The following MVB12A variants were observed in gnomAD, a reference collection of about 807,000 sequenced individuals.
The protein encoded by MVB12A is CIN85/CD2AP family binding protein.
MVB12A carries 30 observed loss-of-function variants against 34.3 expected under a neutral mutation model. That is an observed-to-expected ratio of 0.88 (90% CI 0.65 to 1.19). The LOEUF (loss-of-function observed/expected upper bound fraction) is 1.19, where lower values mean the gene tolerates loss of function less well. MVB12A is among the 50% of genes most tolerant of loss of function. MVB12A has a pLI of 0.00. For missense variants in MVB12A, 355 were observed against 369.2 expected (o/e 0.96, Z 0.31); for synonymous variants, 158 against 158.9 (o/e 0.99, Z 0.04).
chr19:17,412,856 CTT>C (rs1423366901), intron 2 of MVB12A, among the ~76,000 whole-genome samples: 6 of 152,122 alleles, frequency 3.9e-5, no homozygotes. Context: ...GTCATCCTGT[CTT>C]TGTTTTGCAC....
chr19:17,417,643 TAAAA>T (rs969826296), upstream of MVB12A: 3 of 151,176 alleles, frequency 2.0e-5, no homozygotes, highest in African/African-American at 7.3e-5. Flanking sequence ...TTTTAAAAAA[TAAAA>T]TAAATAAATT....
At chr19:17,405,932 ACCTGAAGAGG>A in intron 1 of MVB12A, 1 of 179,654 alleles carries the variant, frequency 5.6e-6, no homozygotes, top group Non-Finnish European at 1.2e-5. Context: ...CTGTACTATG[ACCTGAAGAGG>A]CAGAGGCCAT....
chr19:17,405,882 T>C (rs2074724535), intron 1 of MVB12A: 1 of 290,480 alleles, frequency 3.4e-6, no homozygotes, highest in Admixed American at 4.9e-5. Context: ...GCCTCTGCTG[T>C]GTGTTACTGA....
At chr19:17,410,291 C>T (rs1261618196) in intron 2 of MVB12A, among the ~76,000 whole-genome samples, 2 of 150,894 alleles carry the variant, frequency 1.3e-5, no homozygotes, top group African/African-American at 4.9e-5. Context: ...TCACCTCAGC[C>T]TCTGGCGTAG....
chr19:17,418,234 A>G, upstream of MVB12A: 1 of 177,838 alleles, frequency 5.6e-6, no homozygotes, highest in South Asian at 1.3e-4. Flanking sequence ...ATCTGCACAA[A>G]AAAACTATAA....
At chr19:17,420,746 G>A (rs2074833796) in intron 3 of MVB12A, 112 bp downstream of exon 3, 7 of 718,970 alleles carry the variant, frequency 9.7e-6, no homozygotes, top group Non-Finnish European at 1.7e-5. Flanking sequence ...TGGCACACGG[G>A]GTGATGACAG....
chr19:17,420,352 A>C lies in MVB12A; in HGVS notation c.130A>C (p.Lys44Gln), dbSNP rs778649038. 1 of 1,613,284 alleles carries C rather than the reference A, an allele frequency of 6.2e-7. No homozygotes were observed. Among genetic ancestry groups the C allele is most frequent in the Non-Finnish European group, 8.5e-7 (1 of 1,179,686 alleles). ...TVEGAPASFG[K>Q]SFAQKSGYFL... The stretch of plus-strand genomic sequence containing the variant: ...CGAGGGGGCACCCGCCAGCTTTGGC[A>C]AGAGCTTCGCGCAGAAATCTGGCTA... Residue 44 changes from lysine (K) to glutamine (Q), a missense_variant, in exon 2 of 9, where the codon AAG becomes CAG. Physicochemically the swap from Lys to Gln is moderately conservative, Grantham distance 53. Coordinates refer to ENST00000317040, the MANE Select transcript of MVB12A (RefSeq NM_138401.4).
At position 17,411,744 on chromosome 19, in the gene MVB12A, C is replaced by T. The variant is rs191598757; in HGVS notation, c.-5+5448C>T. 5.6e-4 allele frequency among the ~76,000 whole-genome samples: 86 copies of T among 152,250 alleles called. 2 individuals carry two copies. The highest frequency in any genetic ancestry group is 6.8e-3 in the Middle Eastern group (2 of 294). On this transcript the variant is annotated intron_variant, in intron 2 of 6. Transcript: ENST00000528604. ...CTCCTGGGCTCATGTCATCCTCCTT[C>T]CTCAGCCTCCCAAGGTGCTGGGATT...
intron 1 of MVB12A, 35 bp downstream of exon 1, chr19:17,420,260 G>C (rs2074829323): frequency 6.5e-7 from 1 of 1,536,942 alleles, no homozygotes; most frequent in African/African-American, 1.4e-5. Flanking sequence ...TCGAATGGGG[G>C]AGGCAGTCGC....
intron 2 of MVB12A, among the ~76,000 whole-genome samples, chr19:17,410,130 A>G (rs567485398): frequency 6.7e-4 from 102 of 152,174 alleles, no homozygotes; most frequent in Middle Eastern, 3.4e-3. Flanking sequence ...TACTTTCGCA[A>G]TAAAATTAGA....
rs777510238 is a variant in MVB12A at position 17,423,634 on chromosome 19, C to T, written c.533+17C>T. On this transcript the variant is annotated intron_variant, in intron 5 of 8. Coordinates refer to ENST00000317040, the MANE Select transcript of MVB12A (RefSeq NM_138401.4). Reference sequence around the variant, plus strand: ...CCAGCCAAGGTGAGTCCTCAGGCACCGGAGTGGGGGTGGCCGTTGTGGGAG... The same window carrying T: ...CCAGCCAAGGTGAGTCCTCAGGCACTGGAGTGGGGGTGGCCGTTGTGGGAG... 10 of 1,613,714 alleles carry T rather than the reference C, an allele frequency of 6.2e-6. 1 individual carries two copies. In the South Asian group the frequency reaches 1.1e-4, roughly 18 times the overall value.
rs141579457 is a variant in MVB12A at position 17,423,574 on chromosome 19, C to T, written c.490C>T (p.Arg164Trp). Reference protein sequence around the residue: ...RPVPKPRGLSRDMQGLSLDAA... With the variant: ...RPVPKPRGLSWDMQGLSLDAA... ...AGTGCCCAAGCCCCGAGGTCTCAGC[C>T]GGGACATGCAGGGCCTCTCTCTGGA... is the stretch of plus-strand genomic sequence containing the variant. The change falls in exon 5 of 9, where the codon CGG becomes TGG. Residue 164 changes from arginine (R) to tryptophan (W), a missense_variant. Arg to Trp is a moderately radical substitution (Grantham distance 101). Coordinates refer to ENST00000317040, the MANE Select transcript of MVB12A (RefSeq NM_138401.4). The T allele has an allele frequency of 9.3e-6, 15 of 1,614,004 alleles. No homozygotes were observed. Among genetic ancestry groups the T allele is most frequent in the East Asian group, 2.2e-5 (1 of 44,896 alleles).
intron 2 of MVB12A, chr19:17,414,105 A>C (rs1459555403): frequency 1.3e-5 from 2 of 152,052 alleles, no homozygotes; most frequent in Non-Finnish European, 2.9e-5. Context: ...AAATGGTGAA[A>C]CCCTGTCTCT....
rs1425009024 is a variant in MVB12A at position 17,420,183 on chromosome 19, C to T, written c.48C>T (p.Ala16=). 1 of 1,436,104 alleles carries T rather than the reference C, an allele frequency of 7.0e-7. No homozygotes were observed. Among genetic ancestry groups the T allele is most frequent in the Non-Finnish European group, 9.1e-7 (1 of 1,102,536 alleles). 89.0% of individuals were successfully genotyped at this position (1,436,104 alleles called of 1,614,324 possible). ...GTDSAPLAGL[A]WSSASAPPPR... ...ACTCGGCGCCGCTGGCTGGCCTGGC[C>T]TGGTCGTCGGCCTCTGCACCCCCGC... The change falls in exon 1 of 9, where the codon GCC becomes GCT. Residue 16 remains alanine, a synonymous_variant. Transcript: ENST00000317040.
intron 2 of MVB12A, among the ~76,000 whole-genome samples, chr19:17,410,883 G>A (rs1183960971): frequency 7.5e-6 from 1 of 133,916 alleles, no homozygotes; most frequent in African/African-American, 2.7e-5. Context: ...CAGTGAGATC[G>A]CGCCACTGCA....
chr19:17,415,479 G>A (rs2074793651), upstream of MVB12A: 1 of 152,104 alleles, frequency 6.6e-6, no homozygotes, highest in African/African-American at 2.4e-5. Flanking sequence ...CTCTTATGAA[G>A]GATTTAGAGC....
rs770804999 is a variant in MVB12A, at chr19:17,422,435, A to G, written c.390A>G (p.Thr130=). 8 of 1,612,922 alleles carry G rather than the reference A, an allele frequency of 5.0e-6. No individual in the cohort carries two copies. Among genetic ancestry groups the G allele is most frequent in the South Asian group, 4.4e-5 (4 of 90,928 alleles). The change falls in exon 4 of 9, where the codon ACA becomes ACG. Residue 130 remains threonine, a synonymous_variant. Coordinates refer to ENST00000317040, the MANE Select transcript of MVB12A (RefSeq NM_138401.4). ...FDVRLSGKTK[T]VPGYLRIGDM... ...TCCGGCTGAGTGGGAAGACCAAGAC[A>G]GTGCCTGGATACCTTCGAATAGGGT...
intron 2 of MVB12A, among the ~76,000 whole-genome samples, chr19:17,410,496 TC>T (rs1211271743): frequency 0.024 from 759 of 31,050 alleles, 10 homozygotes; most frequent in African/African-American, 0.033. Flanking sequence ...GGTTTTAGCT[TC>T]ATATATATAT....
In MVB12A at chr19:17,420,201, A is replaced by C. The variant is rs758656588; in HGVS notation, c.66A>C (p.Ala22=). The stretch of plus-strand genomic sequence containing the variant: ...GCCTGGCCTGGTCGTCGGCCTCTGC[A>C]CCCCCGCCGCGGGGGTTCAGCGCGG... The part of the protein sequence containing the change: ...LAGLAWSSAS[A]PPPRGFSAIS... The change falls in exon 1 of 9, where the codon GCA becomes GCC. Residue 22 remains alanine, a synonymous_variant. Transcript: ENST00000317040. The C allele has an allele frequency of 6.8e-7, 1 of 1,466,232 alleles. No homozygotes were observed. Among genetic ancestry groups the C allele is most frequent in the South Asian group, 1.4e-5 (1 of 69,416 alleles). The allele number at this position is 1,466,232 out of a possible 1,614,324, so 90.8% of individuals were successfully genotyped here.
Sources: allele counts gnomAD v4.1 joint callset (sites outside exome capture counted in the v4.1 genomes callset), GRCh38; gene constraint gnomAD v4.1.1; transcripts MANE v1.5; gene names NCBI Gene and HGNC (gene_info 2026-07-23, HGNC 2026-07-21).